The following PCDHA3 variants were observed in gnomAD, a reference collection of about 807,000 sequenced individuals.
PCDHA3 encodes protocadherin alpha 3.
A neutral mutation model predicts 62.2 loss-of-function variants in PCDHA3; 41 were observed. The observed-to-expected ratio is 0.66, with a 90% CI of 0.51 to 0.86. PCDHA3 has a LOEUF of 0.86. PCDHA3 is among the 40% of genes least tolerant of loss of function. PCDHA3 has a pLI of 0.00. For missense variants in PCDHA3, 1,304 were observed against 1,241.2 expected, an observed-to-expected ratio of 1.05 and a Z score of -0.76; for synonymous variants, 640 against 555.4, an observed-to-expected ratio of 1.15 and a Z score of -2.14.
chr5:140,987,811 CTT>C (rs1444999429), intron 3 of PCDHA3, among the ~76,000 whole-genome samples: 7 of 152,218 alleles, frequency 4.6e-5, no homozygotes, highest in African/African-American at 1.7e-4. Flanking sequence ...GTGCCTGTCT[CTT>C]TGTTTCCTTA....
At chr5:140,872,562 G>A (rs2053754616) in intron 1 of PCDHA3, among the ~76,000 whole-genome samples, 1 of 152,072 alleles carries the variant, frequency 6.6e-6, no homozygotes, top group Non-Finnish European at 1.5e-5. Context: ...AGGGGTTCAG[G>A]GCTGCAGTGA....
intron 1 of PCDHA3, chr5:140,851,035 A>G: frequency 7.1e-7 from 1 of 1,400,972 alleles, no homozygotes; most frequent in Non-Finnish European, 9.4e-7. Context: ...ACCCCTTAAC[A>G]TTGGAGCCGA....
intron 1 of PCDHA3, chr5:140,809,254 C>T (rs782355919): frequency 2.5e-6 from 4 of 1,613,946 alleles, no homozygotes; most frequent in South Asian, 2.2e-5. Flanking sequence ...CTGTGGGTCC[C>T]GATGCTGCGC....
chr5:140,900,840 T>A (rs6874218), intron 1 of PCDHA3, among the ~76,000 whole-genome samples: 3 of 151,950 alleles, frequency 2.0e-5, no homozygotes, highest in Non-Finnish European at 4.4e-5. Context: ...ATGTACAAAG[T>A]TTCCCTTTTT....
At chr5:140,898,543 A>G (rs1284006764) in intron 1 of PCDHA3, among the ~76,000 whole-genome samples, 2 of 152,224 alleles carry the variant, frequency 1.3e-5, no homozygotes, top group East Asian at 3.9e-4. Flanking sequence ...TGTTCCATTT[A>G]TCTATGTCTC....
chr5:140,927,420 G>A (rs782549245), intron 1 of PCDHA3: 5 of 1,614,108 alleles, frequency 3.1e-6, no homozygotes, highest in Non-Finnish European at 4.2e-6. Flanking sequence ...TGGGATCGCG[G>A]GTTGACGGCA....
rs199976895 is a variant in PCDHA3 at position 140,968,276 on chromosome 5, G to T, written c.2395-10673G>T. The T allele has an allele frequency of 9.2e-5, 148 of 1,613,952 alleles. No homozygotes were observed. Among genetic ancestry groups the T allele is most frequent in the Admixed American group, 5.5e-4 (33 of 60,008 alleles). On this transcript the variant is annotated intron_variant, in intron 1 of 3. Transcript: ENST00000522353. ...CCCAGATGAAAAGGAGAATGCAGAGGTGACCTACTCCCTTCTGGAGAGGGA... is the reference window on the plus strand; with the variant it reads ...CCCAGATGAAAAGGAGAATGCAGAGTTGACCTACTCCCTTCTGGAGAGGGA...
chr5:140,881,459 A>G (rs1172310253), intron 1 of PCDHA3: 2 of 672,234 alleles, frequency 3.0e-6, no homozygotes, highest in Non-Finnish European at 3.7e-6. Flanking sequence ...AAAACCTTAG[A>G]GCATTGTTGT....
chr5:140,888,446 A>G (rs1411131603), intron 1 of PCDHA3, among the ~76,000 whole-genome samples: 3 of 152,190 alleles, frequency 2.0e-5, no homozygotes, highest in Non-Finnish European at 2.9e-5. Context: ...GCCCAACAAT[A>G]AAGAATTAGC....
chr5:140,871,452 G>A (rs1207559291), intron 1 of PCDHA3: 2 of 1,608,490 alleles, frequency 1.2e-6, no homozygotes, highest in East Asian at 2.2e-5. Context: ...ATAAAGAGGA[G>A]GAAGGGGAAA....
chr5:140,804,734 C>T (rs1234342011), intron 1 of PCDHA3: 3 of 198,990 alleles, frequency 1.5e-5, no homozygotes, highest in African/African-American at 7.0e-5. Context: ...ACTACCCCTA[C>T]ATATTTGGTT....
intron 1 of PCDHA3, among the ~76,000 whole-genome samples, chr5:140,923,640 T>G (rs2081459480): frequency 6.6e-6 from 1 of 152,234 alleles, no homozygotes; most frequent in African/African-American, 2.4e-5. Flanking sequence ...GCAAAAATCT[T>G]TAGCCTCCCT....
At chr5:140,989,656 A>T (rs2153884121) in intron 3 of PCDHA3, among the ~76,000 whole-genome samples, 1 of 152,326 alleles carries the variant, frequency 6.6e-6, no homozygotes, top group Non-Finnish European at 1.5e-5. Context: ...GCAATATTTT[A>T]AAAGAAACTC....
intron 1 of PCDHA3, chr5:140,836,013 C>T: frequency 1.9e-6 from 3 of 1,613,378 alleles, no homozygotes; most frequent in Non-Finnish European, 2.5e-6. Flanking sequence ...GGGCGTGCCG[C>T]CTCTGGGCAG....
Position 140,870,561 on chromosome 5 carries a change from C to A in PCDHA3, c.2394+66970C>A, listed in dbSNP as rs544569992. On this transcript the variant is annotated intron_variant, in intron 1 of 3. Transcript: ENST00000522353. Reference sequence around the variant, plus strand: ...CGCGGGACGCGGACGCGCAGGAGAACGCGCTGGTGTCCTACTCGCTGGTGG... The same window carrying A: ...CGCGGGACGCGGACGCGCAGGAGAAAGCGCTGGTGTCCTACTCGCTGGTGG... 86 of 1,614,010 alleles carry A rather than the reference C, an allele frequency of 5.3e-5. No homozygotes were observed. In the East Asian group the frequency reaches 1.7e-3, roughly 33 times the overall value.
intron 1 of PCDHA3, chr5:140,863,421 C>A (rs564217392): frequency 7.2e-6 from 5 of 689,680 alleles, no homozygotes; most frequent in Admixed American, 1.9e-5. Context: ...TGTACCGCAG[C>A]GTAGTGGGAT....
At chr5:140,927,243 C>A in intron 1 of PCDHA3, 1 of 1,614,132 alleles carries the variant, frequency 6.2e-7, no homozygotes. Flanking sequence ...TCCTGGACAC[C>A]AATGACAACT....
chr5:140,848,112 A>G, intron 1 of PCDHA3: 1 of 176,234 alleles, frequency 5.7e-6, no homozygotes, highest in South Asian at 1.5e-4. Context: ...GGATAAGAAA[A>G]CCACAATCAA....
chr5:140,989,387 T>A (rs1269344397), intron 3 of PCDHA3, among the ~76,000 whole-genome samples: 2 of 152,122 alleles, frequency 1.3e-5, no homozygotes, highest in Non-Finnish European at 2.9e-5. Context: ...GTGGGAAAGA[T>A]GATATGGAGG....
Sources: gnomAD v4.1 joint callset for allele counts (sites outside exome capture counted in the v4.1 genomes callset) on GRCh38, gnomAD v4.1.1 for gene constraint, MANE v1.5 for transcripts, NCBI Gene and HGNC (gene_info 2026-07-23, HGNC 2026-07-21) for gene names.